PCDHB11: variants seen among roughly 807,000 people sequenced by gnomAD.
PCDHB11 encodes the protein protocadherin beta-11.
For synonymous variants in PCDHB11, 522 were observed against 442.0 expected, an observed-to-expected ratio of 1.18 and a Z score of -2.27; for missense variants, 1,151 against 1,003.4, an observed-to-expected ratio of 1.15 and a Z score of -1.99.
Position 141,200,348 on chromosome 5 carries a change from C to G in PCDHB11, c.574C>G (p.Pro192Ala). The G allele has an allele frequency of 6.2e-7, 1 of 1,614,038 alleles. No individual in the cohort carries two copies. ...AGTCATTCCAGACAATAGGAAATACCCCGAGTTAGTTCTGGACAAGGCGCT... is the reference window on the plus strand; with the variant it reads ...AGTCATTCCAGACAATAGGAAATACGCCGAGTTAGTTCTGGACAAGGCGCT... ...MRVIPDNRKY[P>A]ELVLDKALDY... is the part of the protein sequence containing the mutation. Residue 192 changes from proline to alanine, a missense_variant, in exon 1 of 1, where the codon CCC becomes GCC. Transcript: ENST00000354757.
In PCDHB11 at chr5:141,200,071, C is replaced by A; in HGVS notation, c.297C>A (p.Ile99=). The A allele has an allele frequency of 1.2e-6, 2 of 1,614,124 alleles. No homozygotes were observed. The highest frequency in any genetic ancestry group is 1.7e-6 in the Non-Finnish European group (2 of 1,180,044). Residue 99 remains isoleucine, a synonymous_variant, in exon 1 of 1, where the codon ATC becomes ATA. Coordinates refer to ENST00000354757, the MANE Select transcript of PCDHB11 (RefSeq NM_018931.3). ...ACAGGGAGGAGCTCTGCGGTTCCATCGAGCCTTGCGTGCTACATTTGCAGG... is the reference window on the plus strand; with the variant it reads ...ACAGGGAGGAGCTCTGCGGTTCCATAGAGCCTTGCGTGCTACATTTGCAGG... ...TLDREELCGS[I]EPCVLHLQVL...
rs1393669905 is a variant in PCDHB11, at chr5:141,202,813, T to A, written c.*645T>A. On this transcript the variant is annotated 3_prime_UTR_variant, in exon 1 of 1. Transcript: ENST00000354757. ...TTTTTGTAGAGACGGATCGTCACCA[T>A]ATTTCTTAGGCTGGCCTTTAACTTC... 1 of 151,670 alleles carries A rather than the reference T, an allele frequency of 6.6e-6. No homozygotes were observed. Among genetic ancestry groups the A allele is most frequent in the African/African-American group, 2.4e-5 (1 of 41,256 alleles). The allele number at this position is 151,670 out of a possible 1,614,324, so 9.4% of individuals were successfully genotyped here. A position where few individuals can be genotyped will look rare whatever the true frequency, so the allele number is the denominator to read the frequency against.
rs1262040427 is a variant in PCDHB11 at position 141,200,184 on chromosome 5, A to C, written c.410A>C (p.Gln137Pro). Residue 137 changes from glutamine (Q) to proline (P), a missense_variant, in exon 1 of 1, where the codon CAA becomes CCA. Coordinates refer to ENST00000354757, the MANE Select transcript of PCDHB11 (RefSeq NM_018931.3). ...CACTCTCCCATCTTCTCGGAAAAAC[A>C]AATGCTCCTAGAAATCCCAGAGAAC... ...NDHSPIFSEK[Q>P]MLLEIPENSP... The C allele has an allele frequency of 1.2e-6, 2 of 1,614,192 alleles. No homozygotes were observed. Among genetic ancestry groups the C allele is most frequent in the Non-Finnish European group, 1.7e-6 (2 of 1,180,048 alleles).
rs782274304 is a variant in PCDHB11, at chr5:141,202,046, G to A, written c.2272G>A (p.Gly758Ser). ...CCAGTACGAGGTGTGTCTGACGGGA[G>A]GTTCCGAGACAAATGAATTCAAGTT... ...SYQYEVCLTG[G>S]SETNEFKFLK... is the part of the protein sequence containing the mutation. Residue 758 changes from glycine to serine, a missense_variant, in exon 1 of 1, where the codon GGT becomes AGT. Transcript: ENST00000354757. The A allele has an allele frequency of 2.5e-6, 4 of 1,614,216 alleles. No homozygotes were observed. The highest frequency in any genetic ancestry group is 3.4e-6 in the Non-Finnish European group (4 of 1,180,036).
chr5:141,200,052 A>G lies in PCDHB11; in HGVS notation c.278A>G (p.Glu93Gly). 1 of 1,614,194 alleles carries G rather than the reference A, an allele frequency of 6.2e-7. No individual in the cohort carries two copies. The highest frequency in any genetic ancestry group is 1.1e-5 in the South Asian group (1 of 91,084). The stretch of plus-strand genomic sequence containing the variant: ...CTCTTAAGTGAAACACTAGACAGGG[A>G]GGAGCTCTGCGGTTCCATCGAGCCT... The part of the protein sequence containing the change: ...DLLLSETLDR[E>G]ELCGSIEPCV... Residue 93 changes from glutamate (E) to glycine (G), a missense_variant, in exon 1 of 1, where the codon GAG becomes GGG. Physicochemically the swap from Glu to Gly is moderately conservative, Grantham distance 98. Coordinates refer to ENST00000354757, the MANE Select transcript of PCDHB11 (RefSeq NM_018931.3).
In PCDHB11 at chr5:141,202,408, T is replaced by A; in HGVS notation, c.*240T>A. On this transcript the variant is annotated 3_prime_UTR_variant, in exon 1 of 1. Transcript: ENST00000354757. Reference sequence around the variant, plus strand: ...TCCGCCTCTCGGGTTCAAGCAATTCTCCTGCATCAGCCTCCCGAGTAGCTG... The same window carrying A: ...TCCGCCTCTCGGGTTCAAGCAATTCACCTGCATCAGCCTCCCGAGTAGCTG... 6.2e-6 allele frequency: 2 copies of A among 321,408 alleles called. No homozygotes were observed. Among genetic ancestry groups the A allele is most frequent in the Non-Finnish European group, 1.1e-5 (2 of 179,634 alleles). The allele number at this position is 321,408 out of a possible 1,614,324, so 19.9% of individuals were successfully genotyped here.
chr5:141,200,459 AG>A lies in PCDHB11; in HGVS notation c.688del (p.Val230TrpfsTer20), dbSNP rs782397749. 3 of 1,614,146 alleles carry A rather than the reference AG, an allele frequency of 1.9e-6. No homozygotes were observed. The highest frequency in any genetic ancestry group is 2.7e-5 in the African/African-American group (2 of 75,022). ...SPPRSGTALV[R>X]VVVVDINDNS... ...TCCCAGGTCTGGAACTGCCTTGGTCAGGGTGGTGGTTGTGGACATTAATGAC... is the reference window on the plus strand; with the variant it reads ...TCCCAGGTCTGGAACTGCCTTGGTCAGGTGGTGGTTGTGGACATTAATGAC... On this transcript the variant is annotated frameshift_variant, in exon 1 of 1. Coordinates refer to ENST00000354757, the MANE Select transcript of PCDHB11 (RefSeq NM_018931.3). LOFTEE classifies it low-confidence loss of function (END_TRUNC).
chr5:141,200,920 T>A lies in PCDHB11; in HGVS notation c.1146T>A (p.Val382=), dbSNP rs3733688. 31,727 of 1,614,154 alleles carry A rather than the reference T, an allele frequency of 0.02. 1,677 individuals are homozygous for A. The East Asian group carries it at 0.23, about 12-fold the overall frequency. ...ACTCTGGGGACAACGGAAGAATTGT[T>A]TGTTCCATTCCGGAAGACCTCCCAT... ...DIDSGDNGRI[V]CSIPEDLPFV... The change falls in exon 1 of 1, where the codon GTT becomes GTA. Residue 382 remains valine, a synonymous_variant. Coordinates refer to ENST00000354757, the MANE Select transcript of PCDHB11 (RefSeq NM_018931.3).
chr5:141,199,686 C>A lies in PCDHB11; in HGVS notation c.-89C>A. ...GGAAACCATTCAACAGGGTTAAAAT[C>A]CTTAGACCACAGAGGATTTGGTGGA... is the stretch of plus-strand genomic sequence containing the variant. On this transcript the variant is annotated 5_prime_UTR_variant, in exon 1 of 1. Coordinates refer to ENST00000354757, the MANE Select transcript of PCDHB11 (RefSeq NM_018931.3). The A allele has an allele frequency of 1.7e-6, 2 of 1,188,910 alleles. No individual in the cohort carries two copies. The highest frequency in any genetic ancestry group is 2.4e-6 in the Non-Finnish European group (2 of 844,132). 73.6% of individuals were successfully genotyped at this position (1,188,910 alleles called of 1,614,324 possible).
chr5:141,200,646 C>A lies in PCDHB11; in HGVS notation c.872C>A (p.Thr291Lys). The A allele has an allele frequency of 6.2e-7, 1 of 1,614,186 alleles. No homozygotes were observed. Among genetic ancestry groups the A allele is most frequent in the Non-Finnish European group, 8.5e-7 (1 of 1,180,036 alleles). Reference protein sequence around the residue: ...FSHASEDIRKTFEINQKSGEI... With the variant: ...FSHASEDIRKKFEINQKSGEI... ...CATGCCTCAGAAGATATTCGCAAGA[C>A]ATTTGAAATTAATCAAAAGTCTGGA... The change falls in exon 1 of 1, where the codon ACA becomes AAA. Residue 291 changes from threonine (T) to lysine (K), a missense_variant. Transcript: ENST00000354757.
In PCDHB11 at chr5:141,201,889, G is replaced by A. The variant is rs1554285742; in HGVS notation, c.2115G>A (p.Val705=). The change falls in exon 1 of 1, where the codon GTG becomes GTA. Residue 705 remains valine (V), a synonymous_variant. Coordinates refer to ENST00000354757, the MANE Select transcript of PCDHB11 (RefSeq NM_018931.3). ...ASVSSLFLFS[V]LLFVAVRLCR... is the part of the protein sequence containing the mutation. ...TGTCTTCGCTCTTCCTCTTCTCGGT[G>A]CTCCTGTTCGTGGCGGTGCGGCTGT... 16 of 1,612,596 alleles carry A rather than the reference G, an allele frequency of 9.9e-6. 1 individual carries two copies. The Middle Eastern group carries it at 7.1e-4, about 71-fold the overall frequency.
In PCDHB11 at chr5:141,202,071, T is replaced by G. The variant is rs1754215976; in HGVS notation, c.2297T>G (p.Phe766Cys). 6.2e-7 allele frequency: 1 copy of G among 1,613,972 alleles called. No homozygotes were observed. Among genetic ancestry groups the G allele is most frequent in the African/African-American group, 1.3e-5 (1 of 74,902 alleles). The change falls in exon 1 of 1, where the codon TTC becomes TGC. Residue 766 changes from phenylalanine to cysteine, a missense_variant. By Grantham distance (205) the Phe-to-Cys change is radical. Coordinates refer to ENST00000354757, the MANE Select transcript of PCDHB11 (RefSeq NM_018931.3). ...TGGSETNEFK[F>C]LKPVIPNIQA... ...GGTTCCGAGACAAATGAATTCAAGT[T>G]CCTAAAACCGGTTATCCCTAATATC...
Position 141,200,969 on chromosome 5 carries a change from A to C in PCDHB11, c.1195A>C (p.Asn399His). The change falls in exon 1 of 1, where the codon AAT (asparagine) becomes CAT (histidine). Residue 399 changes from asparagine to histidine, a missense_variant. Coordinates refer to ENST00000354757, the MANE Select transcript of PCDHB11 (RefSeq NM_018931.3). ...ATTCGTGCTAAAATCTTCAGTTGAG[A>C]ATTACTACACGTTGGAAACAGAGAG... is the stretch of plus-strand genomic sequence containing the variant. Reference protein sequence around the residue: ...LPFVLKSSVENYYTLETERPL... With the variant: ...LPFVLKSSVEHYYTLETERPL... 6.2e-7 allele frequency: 1 copy of C among 1,614,196 alleles called. No homozygotes were observed. The highest frequency in any genetic ancestry group is 8.5e-7 in the Non-Finnish European group (1 of 1,180,036).
At position 141,200,458 on chromosome 5, in the gene PCDHB11, CA is replaced by C. The variant is rs782122394; in HGVS notation, c.685del (p.Arg229GlyfsTer21). 2 of 1,614,102 alleles carry C rather than the reference CA, an allele frequency of 1.2e-6. No homozygotes were observed. Among genetic ancestry groups the C allele is most frequent in the East Asian group, 4.5e-5 (2 of 44,876 alleles). On this transcript the variant is annotated frameshift_variant, in exon 1 of 1. Transcript: ENST00000354757. LOFTEE classifies it low-confidence loss of function (END_TRUNC). ...CTCCCAGGTCTGGAACTGCCTTGGT[CA>C]GGGTGGTGGTTGTGGACATTAATGA... ...SPPRSGTALVRVVVVDINDNS... is the reference protein window; with the variant it reads ...SPPRSGTALVXVVVVDINDNS...
At position 141,200,597 on chromosome 5, in the gene PCDHB11, G is replaced by A. The variant is rs1754150883; in HGVS notation, c.823G>A (p.Gly275Ser). Residue 275 changes from glycine to serine, a missense_variant, in exon 1 of 1, where the codon GGT becomes AGT. Physicochemically the swap from Gly to Ser is moderately conservative, Grantham distance 56. Transcript: ENST00000354757. Reference protein sequence around the residue: ...SAWDLDSGTNGEICYTFSHAS... With the variant: ...SAWDLDSGTNSEICYTFSHAS... ...TTGGGATTTAGACTCTGGAACAAAT[G>A]GTGAAATATGCTATACCTTTTCCCA... The A allele has an allele frequency of 8.7e-6, 14 of 1,614,030 alleles. No individual in the cohort carries two copies. The highest frequency in any genetic ancestry group is 1.3e-5 in the African/African-American group (1 of 74,918).
chr5:141,201,506 C>T lies in PCDHB11; in HGVS notation c.1732C>T (p.Arg578Trp), dbSNP rs200306163. 9.1e-3 allele frequency: 14,649 copies of T among 1,608,006 alleles called. 81 individuals are homozygous for T. The highest frequency in any genetic ancestry group is 0.01 in the Middle Eastern group (46 of 4,424). The stretch of plus-strand genomic sequence containing the variant: ...CGCGCCCTGCACCGAGCTGGTGCCC[C>T]GGGCGGCCGAGCCGGGCTACCTGGT... ...GSAPCTELVP[R>W]AAEPGYLVTK... The change falls in exon 1 of 1, where the codon CGG becomes TGG. Residue 578 changes from arginine to tryptophan, a missense_variant. By Grantham distance (101) the Arg-to-Trp change is moderately radical (BLOSUM62 -3). Coordinates refer to ENST00000354757, the MANE Select transcript of PCDHB11 (RefSeq NM_018931.3).
rs1210026815 is a variant in PCDHB11 at position 141,202,499 on chromosome 5, G to A, written c.*331G>A. The A allele has an allele frequency of 2.8e-5, 5 of 177,472 alleles. No homozygotes were observed. The South Asian group carries it at 4.5e-4, about 16-fold the overall frequency. The allele number at this position is 177,472 out of a possible 1,614,324, so 11.0% of individuals were successfully genotyped here. A position where few individuals can be genotyped will look rare whatever the true frequency, so the allele number is the denominator to read the frequency against. On this transcript the variant is annotated 3_prime_UTR_variant, in exon 1 of 1. Coordinates refer to ENST00000354757, the MANE Select transcript of PCDHB11 (RefSeq NM_018931.3). ...TTTTTTTTATCTTTAGTAGAGACGG[G>A]GTTTCACCACGTTGGCCGGGCAGGT... is the stretch of plus-strand genomic sequence containing the variant.
chr5:141,199,984 TAAGA>T lies in PCDHB11; in HGVS notation c.213_216del (p.Lys71AsnfsTer8). On this transcript the variant is annotated frameshift_variant, in exon 1 of 1. Coordinates refer to ENST00000354757, the MANE Select transcript of PCDHB11 (RefSeq NM_018931.3). LOFTEE classifies it low-confidence loss of function (END_TRUNC). ...GGGGGGCTCGGGTGGTCTCTAATGA[TAAGA>T]AACAGCGTTTGCAGCTGGACATAAA... 6.2e-7 allele frequency: 1 copy of T among 1,614,112 alleles called. No individual in the cohort carries two copies.
At position 141,200,341 on chromosome 5, in the gene PCDHB11, G is replaced by C; in HGVS notation, c.567G>C (p.Arg189Ser). 6.2e-7 allele frequency: 1 copy of C among 1,614,112 alleles called. No homozygotes were observed. Among genetic ancestry groups the C allele is most frequent in the South Asian group, 1.1e-5 (1 of 91,074 alleles). The change falls in exon 1 of 1, where the codon AGG becomes AGC. Residue 189 changes from arginine (R) to serine (S), a missense_variant. By Grantham distance (110) the Arg-to-Ser change is moderately radical. Coordinates refer to ENST00000354757, the MANE Select transcript of PCDHB11 (RefSeq NM_018931.3). The stretch of plus-strand genomic sequence containing the variant: ...AAATGAGAGTCATTCCAGACAATAG[G>C]AAATACCCCGAGTTAGTTCTGGACA... ...HIKMRVIPDNRKYPELVLDKA... is the reference protein window; with the variant it reads ...HIKMRVIPDNSKYPELVLDKA...
Sources: allele counts gnomAD v4.1 joint callset, GRCh38; gene constraint gnomAD v4.1.1; transcripts MANE v1.5; gene names NCBI Gene and HGNC (gene_info 2026-07-23, HGNC 2026-07-21).